Variants in ITSN1 observed in about 807,000 individuals in gnomAD.
ITSN1 encodes intersectin-1.
In ITSN1, 58 loss-of-function variants were observed where a neutral mutation model predicts 239.8. The ratio of observed to expected loss-of-function variants is 0.24; its 90% CI spans 0.20 to 0.30. The LOEUF is 0.30. Among genes scored for constraint, ITSN1 ranks in the 10% least tolerant of loss-of-function variants. The probability of loss-of-function intolerance (pLI) is 1.00; values close to 1 mark genes in which losing one functional copy is unlikely to be tolerated. For missense variants in ITSN1, 1,558 were observed against 2,103.3 expected, an observed-to-expected ratio of 0.74 and a Z score of 5.07; for synonymous variants, 780 against 770.8, an observed-to-expected ratio of 1.01 and a Z score of -0.20.
At chr21:33,648,692 AAGT>A (rs1489996837) in intron 1 of ITSN1, among the ~76,000 whole-genome samples, 1 of 152,068 alleles carries the variant, frequency 6.6e-6, no homozygotes, top group Admixed American at 6.6e-5. Context: ...ATTTTTTAAA[AAGT>A]AGCCCAGTGA....
Position 33,878,044 on chromosome 21 carries a change from G to T in ITSN1, c.4341+2523G>T, listed in dbSNP as rs566939002. The stretch of plus-strand genomic sequence containing the variant: ...TGTGTGTGTGTGTGTGTGTGTGTGT[G>T]TGTTTGTTTTAGTCAGGGTCTCACT... On this transcript the variant is annotated intron_variant, in intron 34 of 39. Coordinates refer to ENST00000381318, the MANE Select transcript of ITSN1 (RefSeq NM_003024.3). Among the ~76,000 whole-genome samples, 284 of 144,008 alleles carry T rather than the reference G, an allele frequency of 2.0e-3. 1 individual carries two copies. Among genetic ancestry groups the T allele is most frequent in the South Asian group, 3.9e-3 (18 of 4,658 alleles). The allele number at this position is 144,008 out of a possible 152,430, so 94.5% of individuals were successfully genotyped here.
intron 5 of ITSN1, among the ~76,000 whole-genome samples, chr21:33,748,434 G>A (rs769282198): frequency 1.6e-4 from 24 of 151,892 alleles, no homozygotes; most frequent in Non-Finnish European, 2.5e-4. Flanking sequence ...GGGTGAGAGT[G>A]AGACCTTATC....
intron 16 of ITSN1, among the ~76,000 whole-genome samples, chr21:33,787,339 A>G (rs894422132): frequency 6.6e-6 from 1 of 152,212 alleles, no homozygotes; most frequent in Non-Finnish European, 1.5e-5. Flanking sequence ...TTTATTTTCT[A>G]GCAAAGTTTG....
rs575792854 is a variant in ITSN1, at chr21:33,739,445, C to T, written c.346+4241C>T. Among the ~76,000 whole-genome samples, 13 of 152,198 alleles carry T rather than the reference C, an allele frequency of 8.5e-5. No individual in the cohort carries two copies. In the South Asian group the frequency reaches 1.0e-3, roughly 12 times the overall value. On this transcript the variant is annotated intron_variant, in intron 5 of 39. Transcript: ENST00000381318. ...AAGCCCCTACTGTGTGTCCTAGTTG[C>T]TGGGAACATGCTGGCCAGCAAGACC...
intron 1 of ITSN1, among the ~76,000 whole-genome samples, chr21:33,655,074 A>G (rs1405465545): frequency 6.6e-6 from 1 of 151,930 alleles, no homozygotes; most frequent in Non-Finnish European, 1.5e-5. Context: ...TTCTCCATAT[A>G]ATAACATCAA....
At chr21:33,887,604 TTTTA>T (rs1569347951) in intron 39 of ITSN1, among the ~76,000 whole-genome samples, 1 of 151,756 alleles carries the variant, frequency 6.6e-6, no homozygotes, top group African/African-American at 2.4e-5. Flanking sequence ...TTTTTATTTT[TTTTA>T]TTTATTTATC....
At chr21:33,761,606 A>G (rs957388249) in intron 8 of ITSN1, among the ~76,000 whole-genome samples, 1 of 152,210 alleles carries the variant, frequency 6.6e-6, no homozygotes, top group African/African-American at 2.4e-5. Context: ...ATAAAGCCCA[A>G]TACAAATAAA....
chr21:33,794,626 A>G (rs879151231), intron 17 of ITSN1, among the ~76,000 whole-genome samples, 158 bp downstream of exon 17: 2 of 152,272 alleles, frequency 1.3e-5, no homozygotes, highest in South Asian at 4.2e-4. Flanking sequence ...GTATATATGA[A>G]TCTTTGCATG....
intron 29 of ITSN1, among the ~76,000 whole-genome samples, chr21:33,856,293 C>T (rs1229022547): frequency 1.3e-5 from 2 of 152,102 alleles, no homozygotes; most frequent in Admixed American, 6.5e-5. Context: ...CGACCACAAA[C>T]GGGGGGACTT....
intron 8 of ITSN1, among the ~76,000 whole-genome samples, chr21:33,755,685 A>C (rs2067857561): frequency 6.6e-6 from 1 of 152,222 alleles, no homozygotes; most frequent in South Asian, 2.1e-4. Context: ...ACTTCTTTGA[A>C]CAAAAACTAG....
intron 8 of ITSN1, among the ~76,000 whole-genome samples, chr21:33,756,303 A>G (rs1174762754): frequency 1.3e-5 from 2 of 151,520 alleles, no homozygotes; most frequent in East Asian, 1.9e-4. Flanking sequence ...AAAAAAAAAA[A>G]AAAAGAAAGT....
chr21:33,655,044 G>A lies in ITSN1; in HGVS notation c.-33+12331G>A, dbSNP rs556870443. ...TTTTTTTTTCACTATGTCTAGGGACGTTGTGAATTTGTTATTATTTTCTCC... is the reference window on the plus strand; with the variant it reads ...TTTTTTTTTCACTATGTCTAGGGACATTGTGAATTTGTTATTATTTTCTCC... On this transcript the variant is annotated intron_variant, in intron 1 of 39. Coordinates refer to ENST00000381318, the MANE Select transcript of ITSN1 (RefSeq NM_003024.3). Among the ~76,000 whole-genome samples, 13 of 150,998 alleles carry A rather than the reference G, an allele frequency of 8.6e-5. 1 individual carries two copies. The highest frequency in any genetic ancestry group is 5.3e-4 in the Admixed American group (8 of 15,194).
chr21:33,837,984 A>G, intron 29 of ITSN1: 1 of 985,796 alleles, frequency 1.0e-6, no homozygotes, highest in Non-Finnish European at 1.2e-6. Flanking sequence ...TGAACAAGTA[A>G]TTTTCTTGAC....
At chr21:33,883,030 A>G (rs1985183017) in intron 35 of ITSN1, among the ~76,000 whole-genome samples, 1 of 152,194 alleles carries the variant, frequency 6.6e-6, no homozygotes, top group Non-Finnish European at 1.5e-5. Context: ...TTTTTACAGA[A>G]GAATTTTCTC....
chr21:33,868,091 G>C (rs1981980359), intron 33 of ITSN1, among the ~76,000 whole-genome samples: 1 of 152,232 alleles, frequency 6.6e-6, no homozygotes, highest in Non-Finnish European at 1.5e-5. Context: ...TGCTGGCTCG[G>C]GCAGCCTGCT....
chr21:33,872,208 G>A (rs1318685801), intron 33 of ITSN1, among the ~76,000 whole-genome samples: 2 of 152,130 alleles, frequency 1.3e-5, no homozygotes, highest in African/African-American at 2.4e-5. Context: ...TTTGGAAGGC[G>A]ATTATAGATC....
intron 1 of ITSN1, among the ~76,000 whole-genome samples, chr21:33,699,974 C>T (rs943969880): frequency 1.3e-5 from 2 of 152,008 alleles, no homozygotes; most frequent in African/African-American, 2.4e-5. Flanking sequence ...GTTGCCCAGG[C>T]TGGTCTTGAA....
chr21:33,756,242 C>T (rs950810422), intron 8 of ITSN1, among the ~76,000 whole-genome samples: 2 of 139,430 alleles, frequency 1.4e-5, no homozygotes, highest in Non-Finnish European at 3.0e-5. Context: ...GAGTCAAGAT[C>T]ATGCCACTGC....
intron 33 of ITSN1, among the ~76,000 whole-genome samples, chr21:33,871,820 C>T (rs902695812): frequency 1.3e-5 from 2 of 152,016 alleles, no homozygotes; most frequent in Admixed American, 1.3e-4. Context: ...CAGTGAAGAG[C>T]ACATAGCCTG....
Sources: gnomAD v4.1 joint callset for allele counts (sites outside exome capture counted in the v4.1 genomes callset) on GRCh38, gnomAD v4.1.1 for gene constraint, MANE v1.5 for transcripts, NCBI Gene and HGNC (gene_info 2026-07-23, HGNC 2026-07-21) for gene names.